The following UBE2QL1 variants were observed in gnomAD, a reference collection of about 807,000 sequenced individuals.
The protein encoded by UBE2QL1 is ubiquitin conjugating enzyme E2 QL1.
Under a neutral mutation model 12.6 loss-of-function variants are expected in UBE2QL1, and 5 were observed. That is an observed-to-expected ratio of 0.40 (90% CI 0.21 to 0.83). The LOEUF (loss-of-function observed/expected upper bound fraction) is 0.83. UBE2QL1 is among the 40% of genes least tolerant of loss of function. The pLI is 0.37. For missense variants in UBE2QL1, 99 were observed against 222.6 expected (o/e 0.44, Z 3.53); for synonymous variants, 96 against 94.5 (o/e 1.02, Z -0.10).
In UBE2QL1 at chr5:6,494,799, CAA is replaced by C. The variant is rs1323818914; in HGVS notation, c.*3454_*3455del. On this transcript the variant is annotated 3_prime_UTR_variant, in exon 2 of 2. Coordinates refer to ENST00000399816, the MANE Select transcript of UBE2QL1 (RefSeq NM_001145161.3). ...CTTACATTAAGTCAACCAACTGACC[CAA>C]AAATCAACCAATAACTAACTGGCCA... The C allele has an allele frequency of 2.0e-5, 3 of 152,164 alleles. No individual in the cohort carries two copies. Among genetic ancestry groups the C allele is most frequent in the Non-Finnish European group, 4.4e-5 (3 of 68,036 alleles). The allele number at this position is 152,164 out of a possible 1,614,324, so 9.4% of individuals were successfully genotyped here.
chr5:6,483,034 ACT>A (rs771982715), intron 1 of UBE2QL1, among the ~76,000 whole-genome samples: 2 of 152,066 alleles, frequency 1.3e-5, no homozygotes, highest in African/African-American at 2.4e-5. Flanking sequence ...AGTCCAACAC[ACT>A]CTGATCAGAC....
rs891400561 is a variant in UBE2QL1, at chr5:6,481,515, T to A, written c.355-9703T>A. The stretch of plus-strand genomic sequence containing the variant: ...CCCTGCAGAACCACATCATTTAGGT[T>A]CCCTGGTGTGAGCTCCCACCACTAT... On this transcript the variant is annotated intron_variant, in intron 1 of 1. Transcript: ENST00000399816. This position sits in a 1 kb window ranked among gnomAD's most constrained non-coding sequence, Gnocchi z 4.5. 6.6e-6 allele frequency among the ~76,000 whole-genome samples: 1 copy of A among 152,142 alleles called. No individual in the cohort carries two copies. Among genetic ancestry groups the A allele is most frequent in the Non-Finnish European group, 1.5e-5 (1 of 68,026 alleles).
chr5:6,487,562 G>A (rs1184596568), intron 1 of UBE2QL1, among the ~76,000 whole-genome samples: 1 of 151,624 alleles, frequency 6.6e-6, no homozygotes, highest in Non-Finnish European at 1.5e-5. Flanking sequence ...AACAAGTAGA[G>A]ATATTTTAGA....
chr5:6,461,314 A>G (rs976101827), intron 1 of UBE2QL1, among the ~76,000 whole-genome samples: 3 of 152,138 alleles, frequency 2.0e-5, no homozygotes, highest in African/African-American at 7.2e-5. Flanking sequence ...GAAGAGACTG[A>G]CCAGCTATCT....
chr5:6,463,643 T>TTATTATTATTA (rs1314587860), intron 1 of UBE2QL1, among the ~76,000 whole-genome samples: 44 of 87,178 alleles, frequency 5.0e-4, no homozygotes, highest in African/African-American at 7.5e-4. Context: ...TATTATTATT[T>TTATTATTATTA]TTGATGCGGA....
chr5:6,450,175 C>T (rs971900416), intron 1 of UBE2QL1, among the ~76,000 whole-genome samples: 1 of 143,982 alleles, frequency 6.9e-6, no homozygotes, highest in African/African-American at 2.6e-5. Context: ...CTGGGGTAGA[C>T]GTTCCAGGTC....
At chr5:6,456,084 TC>T (rs984686532) in intron 1 of UBE2QL1, among the ~76,000 whole-genome samples, 10 of 152,224 alleles carry the variant, frequency 6.6e-5, no homozygotes, top group Admixed American at 5.9e-4. Context: ...ATCGAGTGCC[TC>T]CCGTCATGCA....
intron 1 of UBE2QL1, among the ~76,000 whole-genome samples, chr5:6,470,269 CTTACTA>C (rs1739883139): frequency 6.6e-6 from 1 of 152,138 alleles, no homozygotes; most frequent in African/African-American, 2.4e-5. Context: ...TATGATTGCT[CTTACTA>C]TTACTATTAT....
chr5:6,467,063 T>A (rs1739812272), intron 1 of UBE2QL1, among the ~76,000 whole-genome samples: 1 of 152,176 alleles, frequency 6.6e-6, no homozygotes. Context: ...AACTTCTCTG[T>A]AAACATCTTT....
chr5:6,495,965 A>G lies in UBE2QL1; in HGVS notation c.*4616A>G, dbSNP rs959397015. ...AACTCTGTTGACATTCGGGAAAGCA[A>G]TAAGTAATGTTAGTTTGGTTCCAGA... On this transcript the variant is annotated 3_prime_UTR_variant, in exon 2 of 2. Coordinates refer to ENST00000399816, the MANE Select transcript of UBE2QL1 (RefSeq NM_001145161.3). Among the ~76,000 whole-genome samples the G allele has an allele frequency of 5.9e-5, 9 of 152,214 alleles. No homozygotes were observed. Among genetic ancestry groups the G allele is most frequent in the Middle Eastern group, 3.2e-3 (1 of 316 alleles).
Position 6,486,326 on chromosome 5 carries a change from GCACACACACACACAAA to G in UBE2QL1, c.355-4878_355-4863del, listed in dbSNP as rs935009017. Among the ~76,000 whole-genome samples, 13 of 149,036 alleles carry G rather than the reference GCACACACACACACAAA, an allele frequency of 8.7e-5. No homozygotes were observed. In the South Asian group the frequency reaches 1.3e-3, roughly 15 times the overall value. On this transcript the variant is annotated intron_variant, in intron 1 of 1. Coordinates refer to ENST00000399816, the MANE Select transcript of UBE2QL1 (RefSeq NM_001145161.3). ...CACACACAAGCACACACACACACAA[GCACACACACACACAAA>G]CACACACACACACTTAAATTCCATG... is the stretch of plus-strand genomic sequence containing the variant.
intron 1 of UBE2QL1, among the ~76,000 whole-genome samples, chr5:6,482,699 A>T (rs1228593857): frequency 6.6e-6 from 1 of 152,212 alleles, no homozygotes; most frequent in Non-Finnish European, 1.5e-5. Context: ...AATGGCATTC[A>T]GAGAATGGAG....
At chr5:6,489,085 G>T (rs971254272) in intron 1 of UBE2QL1, among the ~76,000 whole-genome samples, 1 of 151,990 alleles carries the variant, frequency 6.6e-6, no homozygotes, top group Non-Finnish European at 1.5e-5. Context: ...CTTTTCCTCC[G>T]ATCTTCCTTC....
intron 1 of UBE2QL1, among the ~76,000 whole-genome samples, chr5:6,454,932 A>T (rs1028928270): frequency 2.0e-5 from 3 of 152,096 alleles, no homozygotes; most frequent in Non-Finnish European, 2.9e-5. Context: ...TCTTCTATCA[A>T]GTAGGGCAGG....
In UBE2QL1 at chr5:6,491,296, G is replaced by A. The variant is rs1734564299; in HGVS notation, c.433G>A (p.Val145Met). 6.4e-7 allele frequency: 1 copy of A among 1,551,384 alleles called. No homozygotes were observed. The highest frequency in any genetic ancestry group is 1.4e-5 in the African/African-American group (1 of 73,018). ...KEAEATFKSL[V>M]KTHEKYGWVT... is the part of the protein sequence containing the mutation. ...AGCTGAAGCTACCTTTAAGAGTTTGGTGAAGACGCATGAAAAATATGGTTG... is the reference window on the plus strand; with the variant it reads ...AGCTGAAGCTACCTTTAAGAGTTTGATGAAGACGCATGAAAAATATGGTTG... Residue 145 changes from valine to methionine, a missense_variant, in exon 2 of 2, where the codon GTG (valine) becomes ATG (methionine). Coordinates refer to ENST00000399816, the MANE Select transcript of UBE2QL1 (RefSeq NM_001145161.3).
Position 6,491,404 on chromosome 5 carries a change from C to T in UBE2QL1, c.*55C>T. On this transcript the variant is annotated 3_prime_UTR_variant, in exon 2 of 2. Coordinates refer to ENST00000399816, the MANE Select transcript of UBE2QL1 (RefSeq NM_001145161.3). ...GCCTGTCCACACACACACCAGTACC[C>T]TGACATCTCCTCAATGCTGTGCATC... The T allele has an allele frequency of 6.7e-7, 1 of 1,496,542 alleles. No homozygotes were observed. The highest frequency in any genetic ancestry group is 8.9e-7 in the Non-Finnish European group (1 of 1,123,234). 92.7% of individuals were successfully genotyped at this position (1,496,542 alleles called of 1,614,324 possible).
chr5:6,486,600 A>T (rs146079537), intron 1 of UBE2QL1, among the ~76,000 whole-genome samples: 1 of 152,210 alleles, frequency 6.6e-6, no homozygotes, highest in East Asian at 1.9e-4. Flanking sequence ...TGTCTGGGTT[A>T]TAAGTTCCAT....
chr5:6,480,142 C>T lies in UBE2QL1; in HGVS notation c.355-11076C>T, dbSNP rs1307262607. On this transcript the variant is annotated intron_variant, in intron 1 of 1. Coordinates refer to ENST00000399816, the MANE Select transcript of UBE2QL1 (RefSeq NM_001145161.3). The stretch of plus-strand genomic sequence containing the variant: ...GTTTGCCTTCTCTTACATCTGTGAC[C>T]CTTCCGCACGTTTCTGAGAGCTGGC... Among the ~76,000 whole-genome samples the T allele has an allele frequency of 5.3e-5, 8 of 152,312 alleles. No homozygotes were observed. The South Asian group carries it at 1.7e-3, about 32-fold the overall frequency.
In UBE2QL1 at chr5:6,479,580, C is replaced by A. The variant is rs1464594356; in HGVS notation, c.355-11638C>A. On this transcript the variant is annotated intron_variant, in intron 1 of 1. Coordinates refer to ENST00000399816, the MANE Select transcript of UBE2QL1 (RefSeq NM_001145161.3). The surrounding 1 kb of genome is among the most constrained non-coding windows in gnomAD (Gnocchi z 4.2). ...GTGAGTCTGTCCATCATAAAAAGGGCAGAGGCTGTGCTCATTAAGACTTTC... is the reference window on the plus strand; with the variant it reads ...GTGAGTCTGTCCATCATAAAAAGGGAAGAGGCTGTGCTCATTAAGACTTTC... Among the ~76,000 whole-genome samples, 3 of 152,190 alleles carry A rather than the reference C, an allele frequency of 2.0e-5. No homozygotes were observed. The highest frequency in any genetic ancestry group is 7.2e-5 in the African/African-American group (3 of 41,450).
Sources: gnomAD v4.1 joint callset for allele counts (sites outside exome capture counted in the v4.1 genomes callset) on GRCh38, gnomAD v4.1.1 for gene constraint, Gnocchi (gnomAD v3.1) non-coding constraint, MANE v1.5 for transcripts, NCBI Gene and HGNC (gene_info 2026-07-23, HGNC 2026-07-21) for gene names.